The following SVIL variants were observed in gnomAD, a reference collection of about 807,000 sequenced individuals.
SVIL encodes archvillin.
In SVIL, 101 loss-of-function variants were observed where a neutral mutation model predicts 240.4. That is an observed-to-expected ratio of 0.42 (90% CI 0.36 to 0.50). The LOEUF is 0.50. SVIL is among the 20% of genes least tolerant of loss of function. The pLI, the probability that SVIL is intolerant of heterozygous loss-of-function variation, is 0.01. For missense variants in SVIL, 2,512 were observed against 2,818.7 expected (o/e 0.89, Z 2.46); for synonymous variants, 999 against 1,100.0 (o/e 0.91, Z 1.82).
At position 29,551,040 on chromosome 10, in the gene SVIL, G is replaced by C; in HGVS notation, c.384C>G (p.Ala128=). 5 of 1,614,088 alleles carry C rather than the reference G, an allele frequency of 3.1e-6. No homozygotes were observed. Among genetic ancestry groups the C allele is most frequent in the Non-Finnish European group, 4.2e-6 (5 of 1,180,030 alleles). The change falls in exon 6 of 38, where the codon GCC becomes GCG. Residue 128 remains alanine, a synonymous_variant. Transcript: ENST00000355867. ...EKYGLTLDPE[A]DSEYLSRYTK... is the part of the protein sequence containing the mutation. ...TATAGCGGGATAAATACTCGGAGTC[G>C]GCCTCGGGATCCAGAGTCAGCCCAT...
At chr10:29,553,925 G>A (rs1953640420) in intron 5 of SVIL, among the ~76,000 whole-genome samples, 1 of 152,188 alleles carries the variant, frequency 6.6e-6, no homozygotes, top group Non-Finnish European at 1.5e-5. Flanking sequence ...CTGTACTGGG[G>A]TAGAACCTTG....
chr10:29,463,571 G>T lies in SVIL; in HGVS notation c.6198C>A (p.Asn2066Lys), dbSNP rs776908852. ...GGATGCGGGCGGAACCAGTGATCTT[G>T]TTCTCGATGGGCCACCAGCCTTGCC... ...YLWQGWWPIE[N>K]KITGSARIRW... Residue 2066 changes from asparagine (N) to lysine (K), a missense_variant, in exon 35 of 38, where the codon AAC (asparagine) becomes AAA (lysine). By Grantham distance (94) the Asn-to-Lys change is moderately conservative (BLOSUM62 0). This residue lies in a region of SVIL where 797 missense variants were observed against 925.3 expected (regional missense o/e 0.86). Coordinates refer to ENST00000355867, the MANE Select transcript of SVIL (RefSeq NM_021738.3). The T allele has an allele frequency of 1.9e-6, 3 of 1,614,068 alleles. No individual in the cohort carries two copies. Among genetic ancestry groups the T allele is most frequent in the Admixed American group, 1.7e-5 (1 of 60,008 alleles).
intron 1 of SVIL, among the ~76,000 whole-genome samples, chr10:29,707,816 T>C (rs1369441671): frequency 2.0e-5 from 3 of 152,210 alleles, no homozygotes. Context: ...TATACTCTTA[T>C]GATTTATAAC....
At chr10:29,522,758 A>T in intron 15 of SVIL, 123 bp from the exon 16 acceptor site, 1 of 1,091,282 alleles carries the variant, frequency 9.2e-7, no homozygotes, top group Non-Finnish European at 1.3e-6. Flanking sequence ...GACCCAATCC[A>T]CTGGGATTTA....
chr10:29,561,532 T>C (rs1335373064), intron 3 of SVIL, among the ~76,000 whole-genome samples: 1 of 152,230 alleles, frequency 6.6e-6, no homozygotes, highest in Non-Finnish European at 1.5e-5. Context: ...TTCTTATACT[T>C]TGTTTTGATC....
At chr10:29,556,478 C>T (rs1318303452) in intron 3 of SVIL, among the ~76,000 whole-genome samples, 3 of 152,112 alleles carry the variant, frequency 2.0e-5, no homozygotes, top group Non-Finnish European at 2.9e-5. Flanking sequence ...TTTTATATTG[C>T]CCTTTGTGTT....
rs1483413454 is a variant in SVIL, at chr10:29,522,397, C to G, written c.3389+13G>C. ...CCCGAGAGAATTACTTTTCGCTCAC[C>G]GAATCTCATTACCTTTCTTTAATAG... On this transcript the variant is annotated intron_variant, in intron 16 of 37. Transcript: ENST00000355867. The G allele has an allele frequency of 7.4e-6, 12 of 1,613,398 alleles. No individual in the cohort carries two copies. The highest frequency in any genetic ancestry group is 1.0e-5 in the Non-Finnish European group (12 of 1,179,688).
chr10:29,687,414 A>G (rs1320492615), intron 1 of SVIL, among the ~76,000 whole-genome samples: 1 of 152,238 alleles, frequency 6.6e-6, no homozygotes, highest in Non-Finnish European at 1.5e-5. Context: ...AAGTTTGGCC[A>G]GGTGAGGTGG....
chr10:29,509,328 A>AGGGAGG (rs1949619210), intron 17 of SVIL, among the ~76,000 whole-genome samples: 1 of 91,856 alleles, frequency 1.1e-5, no homozygotes, highest in Non-Finnish European at 2.3e-5. Context: ...AAGGAGGGGG[A>AGGGAGG]GGGAGAGAGA....
chr10:29,713,112 G>A (rs1316254153), intron 1 of SVIL, among the ~76,000 whole-genome samples: 2 of 151,952 alleles, frequency 1.3e-5, no homozygotes, highest in Non-Finnish European at 2.9e-5. Flanking sequence ...CTGGGAGGCA[G>A]TTGCAGTGAG....
chr10:29,589,932 G>A (rs761319709), intron 1 of SVIL, among the ~76,000 whole-genome samples: 19 of 152,116 alleles, frequency 1.2e-4, no homozygotes, highest in Non-Finnish European at 1.9e-4. Flanking sequence ...ACTTTGGGAG[G>A]CTGAGGTGGG....
At chr10:29,502,960 G>A (rs531132769) in intron 17 of SVIL, among the ~76,000 whole-genome samples, 203 of 152,246 alleles carry the variant, frequency 1.3e-3, no homozygotes, top group Middle Eastern at 6.8e-3. Flanking sequence ...GGATTAGGGC[G>A]GATTTAAGGG....
At chr10:29,529,975 A>G in intron 11 of SVIL, 131 bp from the exon 12 acceptor site, 1 of 911,444 alleles carries the variant, frequency 1.1e-6, no homozygotes, top group South Asian at 1.9e-5. Context: ...GTTCAAGACC[A>G]GCCTGGGCAA....
intron 6 of SVIL, among the ~76,000 whole-genome samples, chr10:29,542,649 T>G (rs1442564430): frequency 6.6e-6 from 1 of 152,236 alleles, no homozygotes; most frequent in Non-Finnish European, 1.5e-5. Flanking sequence ...TCCATCCCCT[T>G]AAGTATTTAT....
chr10:29,700,055 C>T (rs765252389), intron 1 of SVIL, among the ~76,000 whole-genome samples: 7 of 152,150 alleles, frequency 4.6e-5, no homozygotes, highest in African/African-American at 7.2e-5. Context: ...AGATATGACA[C>T]ACTAGAGAGT....
At chr10:29,721,660 A>G (rs1234036628) in intron 1 of SVIL, among the ~76,000 whole-genome samples, 2 of 152,218 alleles carry the variant, frequency 1.3e-5, no homozygotes, top group Non-Finnish European at 2.9e-5. Context: ...AGGGGACATA[A>G]GGATCCTAAG....
At chr10:29,542,550 A>C (rs2132608428) in intron 6 of SVIL, among the ~76,000 whole-genome samples, 1 of 152,236 alleles carries the variant, frequency 6.6e-6, no homozygotes, top group South Asian at 2.1e-4. Context: ...TTCTGTGGGT[A>C]CATAGCAAGT....
At chr10:29,459,107 A>G (rs1195775636) in intron 36 of SVIL, among the ~76,000 whole-genome samples, 1 of 149,290 alleles carries the variant, frequency 6.7e-6, no homozygotes, top group Non-Finnish European at 1.5e-5. Flanking sequence ...ACCACACTTG[A>G]CCCCAAATTT....
chr10:29,550,019 TAAAAAAAAA>T (rs11339067), intron 6 of SVIL, among the ~76,000 whole-genome samples: 1 of 70,248 alleles, frequency 1.4e-5, no homozygotes, highest in Non-Finnish European at 2.9e-5. Context: ...ACTTAAAGTA[TAAAAAAAAA>T]AAAAAAAAAG....
Sources: gnomAD v4.1 joint callset for allele counts (sites outside exome capture counted in the v4.1 genomes callset) on GRCh38, gnomAD v4.1.1 for gene constraint, gnomAD v4.1.1 regional missense constraint, MANE v1.5 for transcripts, NCBI Gene and HGNC (gene_info 2026-07-23, HGNC 2026-07-21) for gene names.